KCNK9: variants seen among roughly 807,000 people sequenced by gnomAD.
KCNK9 encodes the protein potassium channel subfamily K member 9.
A neutral mutation model predicts 10.8 loss-of-function variants in KCNK9; 1 was observed. The ratio of observed to expected loss-of-function variants is 0.09; its 90% CI spans 0.03 to 0.44. KCNK9 has a LOEUF of 0.44. Among genes scored for constraint, KCNK9 ranks in the 20% least tolerant of loss-of-function variants. The pLI is 0.97. For missense variants in KCNK9, 303 were observed against 515.0 expected (o/e 0.59, Z 3.98); for synonymous variants, 231 against 222.7 (o/e 1.04, Z -0.33).
At chr8:139,603,610 G>C (rs1325239393) in intron 2 of KCNK9, among the ~76,000 whole-genome samples, 1 of 152,140 alleles carries the variant, frequency 6.6e-6, no homozygotes, top group Non-Finnish European at 1.5e-5. Flanking sequence ...CAGGGTATAC[G>C]GCCAGGACTG....
At chr8:139,656,875 C>G (rs745962790) in intron 1 of KCNK9, among the ~76,000 whole-genome samples, 11 of 152,204 alleles carry the variant, frequency 7.2e-5, no homozygotes, top group Non-Finnish European at 1.6e-4. Flanking sequence ...TTCTCCAACA[C>G]AAATCAGATC....
At chr8:139,608,615 G>C (rs1202435346), downstream of KCNK9, among the ~76,000 whole-genome samples, 2 of 139,748 alleles carry the variant, frequency 1.4e-5, no homozygotes, top group African/African-American at 5.2e-5. Context: ...GCTACTGCAG[G>C]CTTTGCGGGG....
chr8:139,663,135 C>T (rs566793009), intron 1 of KCNK9, among the ~76,000 whole-genome samples: 3 of 152,218 alleles, frequency 2.0e-5, no homozygotes, highest in African/African-American at 7.2e-5. Context: ...GGAAGAGACC[C>T]ACCCAGAGCC....
intron 1 of KCNK9, among the ~76,000 whole-genome samples, chr8:139,663,648 C>CGTGTGTGTGTGT (rs34660685): frequency 0.092 from 12,657 of 137,302 alleles, 517 homozygotes; most frequent in Admixed American, 0.13. Context: ...CGCGTGCGCA[C>CGTGTGTGTGTGT]GTGTGTGTGT....
At chr8:139,608,665 A>G (rs1814315266), downstream of KCNK9, among the ~76,000 whole-genome samples, 1 of 152,092 alleles carries the variant, frequency 6.6e-6, no homozygotes, top group Non-Finnish European at 1.5e-5. Context: ...CCCTCCAGCC[A>G]CATTCTACTA....
chr8:139,677,949 T>C (rs117151535), intron 1 of KCNK9, among the ~76,000 whole-genome samples: 1,428 of 122,488 alleles, frequency 0.012, 32 homozygotes, highest in Middle Eastern at 0.021. Context: ...CTCAGCCCAA[T>C]GAGTCCCTAC....
In KCNK9 at chr8:139,627,233, T is replaced by C. The variant is rs79507327; in HGVS notation, c.284-8134A>G. ...CTTGACAATGCTTTTCCCAACTCAT[T>C]CTCTCATGGATAAGGGGTATCAGTG... On this transcript the variant is annotated intron_variant, in intron 1 of 1. Coordinates refer to ENST00000520439, the MANE Select transcript of KCNK9 (RefSeq NM_001282534.2). Among the ~76,000 whole-genome samples, 378 of 152,260 alleles carry C rather than the reference T, an allele frequency of 2.5e-3. 1 individual carries two copies. Among genetic ancestry groups the C allele is most frequent in the African/African-American group, 8.7e-3 (363 of 41,546 alleles).
intron 1 of KCNK9, among the ~76,000 whole-genome samples, chr8:139,648,536 G>A (rs998782451): frequency 6.6e-6 from 1 of 152,216 alleles, no homozygotes; most frequent in Non-Finnish European, 1.5e-5. Flanking sequence ...CCTCTGGACT[G>A]AGAATGGGCC....
intron 1 of KCNK9, among the ~76,000 whole-genome samples, chr8:139,663,096 G>A (rs2129711358): frequency 6.6e-6 from 1 of 152,216 alleles, no homozygotes. Context: ...CTCCCTGGGA[G>A]GAAAGGAGGG....
chr8:139,648,463 C>A (rs1815756841), intron 1 of KCNK9, among the ~76,000 whole-genome samples: 1 of 152,226 alleles, frequency 6.6e-6, no homozygotes, highest in South Asian at 2.1e-4. Flanking sequence ...ATTGCAACAA[C>A]CCATGCAAGA....
chr8:139,663,865 T>C (rs546673292), intron 1 of KCNK9, among the ~76,000 whole-genome samples: 2 of 151,940 alleles, frequency 1.3e-5, no homozygotes, highest in Non-Finnish European at 2.9e-5. Context: ...GAGATGGAGA[T>C]GTTTGTTATG....
intron 1 of KCNK9, among the ~76,000 whole-genome samples, chr8:139,654,839 G>A (rs536877013): frequency 1.3e-5 from 2 of 152,294 alleles, no homozygotes; most frequent in African/African-American, 4.8e-5. Flanking sequence ...AGCTGCAGTG[G>A]GCCGCTGGGG....
downstream of KCNK9, among the ~76,000 whole-genome samples, chr8:139,609,594 G>C (rs1035149091): frequency 1.1e-4 from 16 of 152,232 alleles, no homozygotes; most frequent in African/African-American, 3.9e-4. Context: ...CTGCTCTGCA[G>C]ATACTGATGA....
intron 1 of KCNK9, among the ~76,000 whole-genome samples, chr8:139,657,877 C>T (rs1586670136): frequency 6.6e-6 from 1 of 152,200 alleles, no homozygotes; most frequent in Non-Finnish European, 1.5e-5. Flanking sequence ...CCACATCACC[C>T]CCATCCAGGC....
chr8:139,619,508 T>C (rs2130107317), intron 1 of KCNK9, among the ~76,000 whole-genome samples: 1 of 152,236 alleles, frequency 6.6e-6, no homozygotes, highest in East Asian at 1.9e-4. Context: ...ACTCCAAAAG[T>C]ACCAAGCCCA....
downstream of KCNK9, chr8:139,616,362 T>G (rs968248448): frequency 6.6e-6 from 1 of 152,144 alleles, no homozygotes; most frequent in African/African-American, 2.4e-5. Flanking sequence ...AACAAAATCT[T>G]AAAACAAGTG....
intron 1 of KCNK9, among the ~76,000 whole-genome samples, chr8:139,699,401 C>T (rs905192178): frequency 5.3e-5 from 8 of 152,210 alleles, no homozygotes; most frequent in African/African-American, 1.9e-4. Flanking sequence ...TTCACCACTT[C>T]CACCAACAGG....
At chr8:139,680,163 C>T (rs1210684317) in intron 1 of KCNK9, among the ~76,000 whole-genome samples, 1 of 152,208 alleles carries the variant, frequency 6.6e-6, no homozygotes, top group Non-Finnish European at 1.5e-5. Context: ...AGCGCCTCTG[C>T]CCAGAGCCAG....
At chr8:139,670,508 T>C (rs1816402588) in intron 1 of KCNK9, among the ~76,000 whole-genome samples, 1 of 152,180 alleles carries the variant, frequency 6.6e-6, no homozygotes, top group Non-Finnish European at 1.5e-5. Context: ...TGTTAGGTAT[T>C]GGAAGTAATC....
Sources: gnomAD v4.1 joint callset for allele counts (sites outside exome capture counted in the v4.1 genomes callset) on GRCh38, gnomAD v4.1.1 for gene constraint, MANE v1.5 for transcripts, NCBI Gene and HGNC (gene_info 2026-07-23, HGNC 2026-07-21) for gene names.